The following CNTN5 variants were observed in gnomAD, a reference collection of about 807,000 sequenced individuals.
CNTN5 encodes contactin-5.
A neutral mutation model predicts 129.1 loss-of-function variants in CNTN5; 77 were observed. The observed-to-expected ratio is 0.60, with a 90% CI of 0.50 to 0.72. The LOEUF (loss-of-function observed/expected upper bound fraction) is 0.72, where lower values mean the gene tolerates loss of function less well. CNTN5 is among the 30% of genes least tolerant of loss of function. CNTN5 has a pLI of 0.00. For missense variants in CNTN5, 1,478 were observed against 1,328.8 expected (o/e 1.11, Z -1.75); for synonymous variants, 509 against 465.6 (o/e 1.09, Z -1.20).
chr11:99,241,318 G>GTTTTTTTGTTT (rs1861542962), intron 1 of CNTN5, among the ~76,000 whole-genome samples: 1 of 88,050 alleles, frequency 1.1e-5, no homozygotes, highest in Non-Finnish European at 2.1e-5. Flanking sequence ...TTGATTGTTG[G>GTTTTTTTGTTT]TTTTTTTTTT....
rs115518594 is a variant in CNTN5 at position 99,493,368 on chromosome 11, T to C, written c.-70-62777T>C. Among the ~76,000 whole-genome samples the C allele has an allele frequency of 3.3e-3, 502 of 152,344 alleles. 6 individuals are homozygous for C. Among genetic ancestry groups the C allele is most frequent in the African/African-American group, 0.012 (484 of 41,584 alleles). On this transcript the variant is annotated intron_variant, in intron 2 of 24. Transcript: ENST00000524871. ...GTGTATAAAGTACTTTTATTTGGGCTCATTTCATGCACCCAACGAACAACT... is the reference window on the plus strand; with the variant it reads ...GTGTATAAAGTACTTTTATTTGGGCCCATTTCATGCACCCAACGAACAACT...
intron 3 of CNTN5, among the ~76,000 whole-genome samples, chr11:99,797,934 G>A (rs1051800914): frequency 1.3e-5 from 2 of 151,886 alleles, no homozygotes; most frequent in Non-Finnish European, 2.9e-5. Context: ...GCCTCTGCCT[G>A]TTTATCTTTT....
chr11:99,096,996 A>T (rs1281057088), intron 1 of CNTN5, among the ~76,000 whole-genome samples: 3 of 151,892 alleles, frequency 2.0e-5, no homozygotes, highest in Non-Finnish European at 2.9e-5. Flanking sequence ...TCTGTTGTGT[A>T]TGTGTATACA....
intron 1 of CNTN5, among the ~76,000 whole-genome samples, chr11:99,283,237 A>G (rs889492380): frequency 2.6e-5 from 4 of 152,130 alleles, no homozygotes; most frequent in Admixed American, 6.6e-5. Context: ...GGTTTAATCA[A>G]TTATTGTATC....
chr11:99,945,826 G>A (rs766087910), intron 7 of CNTN5, among the ~76,000 whole-genome samples: 1 of 151,862 alleles, frequency 6.6e-6, no homozygotes, highest in Non-Finnish European at 1.5e-5. Context: ...CTTCCCCAGA[G>A]GTCTCAGCTG....
At chr11:99,837,888 C>T (rs1947356617) in intron 4 of CNTN5, among the ~76,000 whole-genome samples, 1 of 151,876 alleles carries the variant, frequency 6.6e-6, no homozygotes, top group African/African-American at 2.4e-5. Context: ...AGTAAAAAAA[C>T]TTCATTTTTG....
intron 1 of CNTN5, among the ~76,000 whole-genome samples, chr11:99,237,114 GT>G (rs1230488975): frequency 1.3e-5 from 2 of 151,596 alleles, no homozygotes; most frequent in Non-Finnish European, 2.9e-5. Flanking sequence ...ATTTTTAGGA[GT>G]TTTTTAATTT....
chr11:100,355,607 C>T (rs1952504829), intron 24 of CNTN5, among the ~76,000 whole-genome samples: 1 of 151,434 alleles, frequency 6.6e-6, no homozygotes, highest in South Asian at 2.1e-4. Flanking sequence ...ACGTGAGTAA[C>T]ATATTGCATT....
At chr11:99,238,206 C>T (rs1328172669) in intron 1 of CNTN5, among the ~76,000 whole-genome samples, 2 of 152,058 alleles carry the variant, frequency 1.3e-5, no homozygotes, top group Non-Finnish European at 2.9e-5. Flanking sequence ...TAAAAAGGAA[C>T]AATTTGTTAA....
At chr11:99,950,650 A>C (rs1159654890) in intron 7 of CNTN5, among the ~76,000 whole-genome samples, 2 of 152,174 alleles carry the variant, frequency 1.3e-5, no homozygotes, top group South Asian at 4.1e-4. Flanking sequence ...TACAAGATGA[A>C]TTTATATTCT....
intron 1 of CNTN5, among the ~76,000 whole-genome samples, chr11:99,030,193 T>G (rs551417844): frequency 6.1e-5 from 9 of 148,120 alleles, no homozygotes; most frequent in African/African-American, 1.0e-4. Context: ...TAACTCATAG[T>G]TTTTTTTTGC....
chr11:99,643,878 A>G (rs113879882), intron 3 of CNTN5, among the ~76,000 whole-genome samples: 2 of 152,260 alleles, frequency 1.3e-5, no homozygotes, highest in African/African-American at 4.8e-5. Flanking sequence ...AAAGAACTAT[A>G]TTAACTTTTT....
At chr11:99,035,835 C>T (rs1377322440) in intron 1 of CNTN5, among the ~76,000 whole-genome samples, 3 of 149,336 alleles carry the variant, frequency 2.0e-5, no homozygotes, top group African/African-American at 7.5e-5. Context: ...GGTTATTTTG[C>T]TCGTTAGTTG....
At chr11:99,965,323 C>G (rs1474700903) in intron 8 of CNTN5, among the ~76,000 whole-genome samples, 1 of 151,936 alleles carries the variant, frequency 6.6e-6, no homozygotes, top group Non-Finnish European at 1.5e-5. Context: ...CCTATACACA[C>G]TGCTTTGAAT....
intron 6 of CNTN5, among the ~76,000 whole-genome samples, chr11:99,891,487 C>T (rs1035870022): frequency 1.1e-4 from 16 of 152,008 alleles, no homozygotes; most frequent in African/African-American, 3.9e-4. Flanking sequence ...CCTAGGCCCC[C>T]ACCCCCCAAC....
At chr11:99,711,794 C>T (rs1297205837) in intron 3 of CNTN5, among the ~76,000 whole-genome samples, 1 of 151,962 alleles carries the variant, frequency 6.6e-6, no homozygotes. Flanking sequence ...TTCCATGTCC[C>T]TGCAAAGGAC....
At chr11:100,038,821 A>G (rs773521384) in intron 9 of CNTN5, among the ~76,000 whole-genome samples, 14 of 152,032 alleles carry the variant, frequency 9.2e-5, no homozygotes, top group African/African-American at 1.4e-4. Flanking sequence ...CATTTGCTTG[A>G]TACATCTTCC....
chr11:99,913,903 G>T (rs1429047676), intron 6 of CNTN5, among the ~76,000 whole-genome samples: 1 of 151,976 alleles, frequency 6.6e-6, no homozygotes, highest in Non-Finnish European at 1.5e-5. Flanking sequence ...TGACCTTCCA[G>T]AATTTGTAGA....
Position 100,355,998 on chromosome 11 carries a change from A to G in CNTN5, c.3200-119A>G, listed in dbSNP as rs7119036. 9.7e-3 allele frequency: 6,432 copies of G among 665,610 alleles called. 302 individuals are homozygous for G. In the African/African-American group the frequency reaches 0.098, roughly 10 times the overall value. 41.2% of individuals were successfully genotyped at this position (665,610 alleles called of 1,614,324 possible). ...GTCTGATTTTATAAATATAAAGAAC[A>G]CTCTCATCAGAAACAGGAGCGATCT... On this transcript the variant is annotated intron_variant, in intron 24 of 24. Coordinates refer to ENST00000524871, the MANE Select transcript of CNTN5 (RefSeq NM_014361.4).
Sources: gnomAD v4.1 joint callset for allele counts (sites outside exome capture counted in the v4.1 genomes callset) on GRCh38, gnomAD v4.1.1 for gene constraint, MANE v1.5 for transcripts, NCBI Gene and HGNC (gene_info 2026-07-23, HGNC 2026-07-21) for gene names.